Variants in GRM5 observed in about 807,000 individuals in gnomAD.
GRM5 encodes the protein glutamate metabotropic receptor 5.
GRM5 carries 19 observed loss-of-function variants against 83.1 expected under a neutral mutation model. The ratio of observed to expected loss-of-function variants is 0.23; its 90% confidence interval spans 0.16 to 0.34. The LOEUF (loss-of-function observed/expected upper bound fraction) is 0.34, where lower values mean the gene tolerates loss of function less well. Among genes scored for constraint, GRM5 ranks in the 10% least tolerant of loss-of-function variants. The pLI, the probability that GRM5 is intolerant of heterozygous loss-of-function variation, is 1.00. For missense variants in GRM5, 1,160 were observed against 1,588.3 expected (o/e 0.73, Z 4.58); for synonymous variants, 675 against 633.6 (o/e 1.07, Z -0.98).
chr11:88,855,472 A>AT (rs1472928980), intron 2 of GRM5, among the ~76,000 whole-genome samples: 1 of 151,854 alleles, frequency 6.6e-6, no homozygotes, highest in African/African-American at 2.4e-5. Context: ...TAGTTCCATT[A>AT]TTTAATTACG....
intron 3 of GRM5, among the ~76,000 whole-genome samples, chr11:88,738,871 T>C (rs537432315): frequency 1.3e-5 from 2 of 152,188 alleles, no homozygotes; most frequent in South Asian, 4.1e-4. Context: ...GAACCTTTCA[T>C]TGAAATCAAC....
chr11:88,977,542 T>A (rs1223599073), intron 2 of GRM5, among the ~76,000 whole-genome samples: 1 of 152,168 alleles, frequency 6.6e-6, no homozygotes, highest in East Asian at 1.9e-4. Context: ...TAAAGTTCCA[T>A]TCGGAACGCA....
intron 3 of GRM5, among the ~76,000 whole-genome samples, chr11:88,737,970 A>AGAT (rs1022968380): frequency 3.3e-5 from 5 of 151,990 alleles, no homozygotes; most frequent in African/African-American, 1.2e-4. Context: ...TGTTTTTGAA[A>AGAT]GATAGATGTG....
intron 3 of GRM5, among the ~76,000 whole-genome samples, chr11:88,812,798 T>C (rs1943609853): frequency 6.6e-6 from 1 of 152,150 alleles, no homozygotes; most frequent in Admixed American, 6.5e-5. Context: ...TAAAATACTC[T>C]TTTTGAAGCT....
intron 2 of GRM5, among the ~76,000 whole-genome samples, chr11:89,007,562 G>A (rs1023821621): frequency 1.4e-4 from 22 of 152,178 alleles, no homozygotes; most frequent in Admixed American, 5.2e-4. Flanking sequence ...AAGTGATGCT[G>A]GGGGAAGTAC....
At chr11:89,020,136 A>G (rs559066273) in intron 2 of GRM5, among the ~76,000 whole-genome samples, 10 of 152,332 alleles carry the variant, frequency 6.6e-5, no homozygotes, top group African/African-American at 1.9e-4. Context: ...AATTTAATTT[A>G]ACCCACATAA....
intron 2 of GRM5, among the ~76,000 whole-genome samples, chr11:88,905,545 T>G (rs1799713743): frequency 1.3e-5 from 2 of 152,116 alleles, no homozygotes; most frequent in African/African-American, 4.8e-5. Flanking sequence ...TTTCGCCAGG[T>G]TTGTCAGGCT....
chr11:88,694,325 C>T (rs572662283), intron 3 of GRM5, among the ~76,000 whole-genome samples: 1 of 152,024 alleles, frequency 6.6e-6, no homozygotes, highest in Non-Finnish European at 1.5e-5. Flanking sequence ...TCCTATATTG[C>T]TATTTTATAT....
At chr11:88,803,568 A>G (rs138731223) in intron 3 of GRM5, among the ~76,000 whole-genome samples, 2,444 of 152,342 alleles carry the variant, frequency 0.016, 61 homozygotes, top group African/African-American at 0.054. Context: ...CGTTGGACCT[A>G]AAACCATAAC....
chr11:88,753,051 A>G (rs116649707), intron 3 of GRM5, among the ~76,000 whole-genome samples: 1 of 152,140 alleles, frequency 6.6e-6, no homozygotes, highest in African/African-American at 2.4e-5. Flanking sequence ...GCATGAGCAA[A>G]TATTTCATGA....
At chr11:88,885,450 G>GTTTTTTTTTTTTTTTTTTTTTTT (rs61456975) in intron 2 of GRM5, among the ~76,000 whole-genome samples, 5 of 62,666 alleles carry the variant, frequency 8.0e-5, no homozygotes, top group African/African-American at 2.4e-4. Flanking sequence ...TAGGTACCAT[G>GTTTTTTTTTTTTTTTTTTTTTTT]TTTTTTTTTT....
chr11:88,984,589 T>G (rs1453205613), intron 2 of GRM5: 1 of 455,962 alleles, frequency 2.2e-6, no homozygotes. Flanking sequence ...CTTTATTATC[T>G]TAACTCTGAG....
At chr11:88,650,544 T>G (rs1939603894) in intron 4 of GRM5, among the ~76,000 whole-genome samples, 1 of 151,884 alleles carries the variant, frequency 6.6e-6, no homozygotes, top group Non-Finnish European at 1.5e-5. Context: ...AAACCAGGTA[T>G]TAACAAGGGT....
chr11:88,963,627 C>T (rs563001706), intron 2 of GRM5, among the ~76,000 whole-genome samples: 92 of 152,296 alleles, frequency 6.0e-4, no homozygotes, highest in Non-Finnish European at 8.5e-4. Context: ...GACATTGTGC[C>T]GGTCAACCTC....
chr11:88,889,222 C>G (rs1468777143), intron 2 of GRM5, among the ~76,000 whole-genome samples: 1 of 152,040 alleles, frequency 6.6e-6, no homozygotes, highest in African/African-American at 2.4e-5. Context: ...TGGTCTAGTA[C>G]CCAGGCAAGA....
chr11:88,659,729 G>A (rs1939855802), intron 3 of GRM5, among the ~76,000 whole-genome samples: 1 of 152,128 alleles, frequency 6.6e-6, no homozygotes, highest in South Asian at 2.1e-4. Context: ...GAAACCTCCT[G>A]AGTGCTATAT....
At chr11:89,028,874 G>A (rs10830201) in intron 2 of GRM5, among the ~76,000 whole-genome samples, 43,902 of 151,994 alleles carry the variant, frequency 0.29, 7,828 homozygotes, top group Non-Finnish European at 0.4. Flanking sequence ...TGCCATGGTG[G>A]TTTGCTGCAC....
chr11:88,661,430 T>A (rs1043532611), intron 3 of GRM5, among the ~76,000 whole-genome samples: 2 of 152,188 alleles, frequency 1.3e-5, no homozygotes, highest in Non-Finnish European at 2.9e-5. Context: ...TTAAGGTTAA[T>A]GAATGTATTC....
At chr11:88,700,111 C>T (rs1412414601) in intron 3 of GRM5, among the ~76,000 whole-genome samples, 3 of 152,070 alleles carry the variant, frequency 2.0e-5, no homozygotes, top group African/African-American at 7.2e-5. Context: ...AGTTGAATGG[C>T]TTGGCTGATT....
Sources: gnomAD v4.1 joint callset for allele counts (sites outside exome capture counted in the v4.1 genomes callset) on GRCh38, gnomAD v4.1.1 for gene constraint, MANE v1.5 for transcripts, NCBI Gene and HGNC (gene_info 2026-07-23, HGNC 2026-07-21) for gene names.